The following SMOC1 variants were observed in gnomAD, a reference collection of about 807,000 sequenced individuals.
The protein encoded by SMOC1 is SPARC related modular calcium binding 1, also known as SPARC-related modular calcium-binding protein 1.
In SMOC1, 22 loss-of-function variants were observed where a neutral mutation model predicts 56.3. The ratio of observed to expected loss-of-function variants is 0.39; its 90% confidence interval spans 0.28 to 0.56. The LOEUF is 0.56. Among genes scored for constraint, SMOC1 ranks in the 20% least tolerant of loss-of-function variants. SMOC1 has a pLI of 0.61. For synonymous variants in SMOC1, 193 were observed against 215.0 expected (o/e 0.90, Z 0.89); for missense variants, 509 against 565.4 (o/e 0.90, Z 1.01).
At chr14:69,889,105 A>G (rs1192353854) in intron 1 of SMOC1, among the ~76,000 whole-genome samples, 1 of 152,198 alleles carries the variant, frequency 6.6e-6, no homozygotes, top group Non-Finnish European at 1.5e-5. Context: ...ATTAAATTAA[A>G]TTAATGTAAA....
chr14:69,911,207 CTG>C (rs1555358613), intron 1 of SMOC1, among the ~76,000 whole-genome samples: 1 of 152,114 alleles, frequency 6.6e-6, no homozygotes, highest in Non-Finnish European at 1.5e-5. Flanking sequence ...CTGTCTACCA[CTG>C]TGTTAGATTT....
intron 1 of SMOC1, among the ~76,000 whole-genome samples, chr14:69,919,721 G>A (rs1884781865): frequency 6.6e-6 from 1 of 152,162 alleles, no homozygotes; most frequent in African/African-American, 2.4e-5. Context: ...GATCTACAGG[G>A]AATCCTGCCT....
At chr14:69,890,096 C>G (rs1277020327) in intron 1 of SMOC1, among the ~76,000 whole-genome samples, 2 of 152,166 alleles carry the variant, frequency 1.3e-5, no homozygotes, top group Non-Finnish European at 2.9e-5. Flanking sequence ...CATTAAGGGC[C>G]TGGTACAGTG....
chr14:69,981,786 G>A (rs1032631279), intron 5 of SMOC1, among the ~76,000 whole-genome samples: 6 of 152,184 alleles, frequency 3.9e-5, no homozygotes, highest in African/African-American at 1.4e-4. Flanking sequence ...GCTTTACCTG[G>A]CTGTACCAAG....
At chr14:69,956,449 T>A (rs1025373161) in intron 3 of SMOC1, among the ~76,000 whole-genome samples, 14 of 49,538 alleles carry the variant, frequency 2.8e-4, no homozygotes, top group African/African-American at 1.5e-3. Context: ...TTAGCTGGGC[T>A]TTTTTTTTTT....
intron 1 of SMOC1, among the ~76,000 whole-genome samples, chr14:69,920,613 A>T (rs769672215): frequency 1.4e-4 from 22 of 152,224 alleles, no homozygotes; most frequent in Non-Finnish European, 2.9e-4. Context: ...CCAGGTAAGG[A>T]TACAACGACA....
chr14:70,006,917 G>C (rs533409538), intron 7 of SMOC1, among the ~76,000 whole-genome samples: 1 of 152,166 alleles, frequency 6.6e-6, no homozygotes, highest in African/African-American at 2.4e-5. Flanking sequence ...TTGAGGCCTC[G>C]GCCTGACACA....
intron 7 of SMOC1, among the ~76,000 whole-genome samples, chr14:70,010,133 T>C (rs1388812570): frequency 2.0e-5 from 3 of 152,170 alleles, no homozygotes; most frequent in Admixed American, 6.5e-5. Context: ...TTCTCTCCAA[T>C]TGGATGGAAG....
At chr14:69,929,664 C>T (rs955855209) in intron 1 of SMOC1, among the ~76,000 whole-genome samples, 2 of 152,104 alleles carry the variant, frequency 1.3e-5, no homozygotes, top group South Asian at 4.1e-4. Flanking sequence ...ATCTTGGAGG[C>T]TTCTTTGGGA....
chr14:69,906,653 A>G (rs1245082461), intron 1 of SMOC1, among the ~76,000 whole-genome samples: 1 of 152,208 alleles, frequency 6.6e-6, no homozygotes, highest in Non-Finnish European at 1.5e-5. Flanking sequence ...GATAACCAGA[A>G]CAAGGACAAA....
At chr14:70,001,536 C>G (rs1450435913) in intron 7 of SMOC1, among the ~76,000 whole-genome samples, 1 of 152,006 alleles carries the variant, frequency 6.6e-6, no homozygotes, top group Non-Finnish European at 1.5e-5. Flanking sequence ...TTTAGTTTAC[C>G]TACAGACCTA....
intron 3 of SMOC1, among the ~76,000 whole-genome samples, chr14:69,973,804 T>G (rs1344454956): frequency 6.6e-6 from 1 of 152,200 alleles, no homozygotes; most frequent in Non-Finnish European, 1.5e-5. Flanking sequence ...TTTTCTGCCT[T>G]TGTGATAACT....
chr14:69,952,083 C>T, intron 1 of SMOC1, 55 bp from the exon 2 acceptor site: 1 of 1,590,750 alleles, frequency 6.3e-7, no homozygotes, highest in Non-Finnish European at 8.6e-7. Context: ...ATGGACTCGC[C>T]CCTACTTTTC....
intron 3 of SMOC1, among the ~76,000 whole-genome samples, chr14:69,966,498 A>G (rs1883582289): frequency 6.6e-6 from 1 of 152,178 alleles, no homozygotes; most frequent in Non-Finnish European, 1.5e-5. Context: ...GCAAAAGTTC[A>G]CCTTACAGCA....
At chr14:69,889,021 A>G (rs913635095) in intron 1 of SMOC1, among the ~76,000 whole-genome samples, 9 of 152,204 alleles carry the variant, frequency 5.9e-5, no homozygotes, top group Non-Finnish European at 4.4e-5. Flanking sequence ...TTATAACTGC[A>G]CTGTCCAATA....
intron 1 of SMOC1, among the ~76,000 whole-genome samples, chr14:69,930,151 C>A (rs1188528059): frequency 1.6e-5 from 2 of 125,418 alleles, no homozygotes; most frequent in African/African-American, 9.6e-5. Flanking sequence ...TCACCCCTTT[C>A]ATCCCCAGTG....
At chr14:69,886,202 T>C in intron 1 of SMOC1, 1 of 780,438 alleles carries the variant, frequency 1.3e-6, no homozygotes, top group South Asian at 1.5e-5. Flanking sequence ...ACTTGTATTC[T>C]AACTTGTATT....
At chr14:70,009,000 C>T (rs1174160086) in intron 7 of SMOC1, among the ~76,000 whole-genome samples, 13 of 152,198 alleles carry the variant, frequency 8.5e-5, no homozygotes. Flanking sequence ...TCTTTCCTGT[C>T]TCTAGATGCT....
intron 10 of SMOC1, among the ~76,000 whole-genome samples, chr14:70,019,279 C>T (rs962203899): frequency 6.6e-6 from 1 of 152,188 alleles, no homozygotes; most frequent in Non-Finnish European, 1.5e-5. Flanking sequence ...CAGACACCAA[C>T]GTTATTTGGC....
Sources: allele counts gnomAD v4.1 joint callset (sites outside exome capture counted in the v4.1 genomes callset), GRCh38; gene constraint gnomAD v4.1.1; transcripts MANE v1.5; gene names NCBI Gene and HGNC (gene_info 2026-07-23, HGNC 2026-07-21).